Variants in SKAP1 observed in about 807,000 individuals in gnomAD.
SKAP1 encodes src kinase associated phosphoprotein 1.
SKAP1 carries 44 observed loss-of-function variants against 58.5 expected under a neutral mutation model. That is an observed-to-expected ratio of 0.75 (90% confidence interval 0.59 to 0.97). SKAP1 has a LOEUF of 0.97. SKAP1 is among the 50% of genes least tolerant of loss of function. SKAP1 has a pLI of 0.00. For missense variants in SKAP1, 390 were observed against 435.2 expected, an observed-to-expected ratio of 0.90 and a Z score of 0.92; for synonymous variants, 127 against 149.7, an observed-to-expected ratio of 0.85 and a Z score of 1.11.
At chr17:48,297,967 CT>C (rs2066002337) in intron 4 of SKAP1, among the ~76,000 whole-genome samples, 1 of 152,134 alleles carries the variant, frequency 6.6e-6, no homozygotes, top group East Asian at 1.9e-4. Context: ...GCACCTGAAC[CT>C]GTTTCCTGTT....
intron 1 of SKAP1, among the ~76,000 whole-genome samples, chr17:48,407,157 C>T (rs566819602): frequency 1.8e-4 from 28 of 152,102 alleles, no homozygotes; most frequent in Non-Finnish European, 3.4e-4. Flanking sequence ...TAGGAGAAAA[C>T]AGCCTATATA....
chr17:48,357,490 C>A (rs1373488067), intron 3 of SKAP1, among the ~76,000 whole-genome samples: 1 of 151,826 alleles, frequency 6.6e-6, no homozygotes, highest in Non-Finnish European at 1.5e-5. Flanking sequence ...ATTAGCCGGG[C>A]GTGGTGGCGG....
chr17:48,146,444 G>C (rs1333468195), intron 11 of SKAP1, among the ~76,000 whole-genome samples: 3 of 150,274 alleles, frequency 2.0e-5, no homozygotes, highest in Admixed American at 2.0e-4. Flanking sequence ...AGTGAGCCGA[G>C]ATTGCACCAC....
chr17:48,243,138 A>G (rs1380777629), intron 4 of SKAP1, among the ~76,000 whole-genome samples: 55 of 152,184 alleles, frequency 3.6e-4, no homozygotes, highest in Non-Finnish European at 5.9e-5. Context: ...TTAGGTAATC[A>G]GATACAAACA....
chr17:48,430,002 T>G, intron 1 of SKAP1, 73 bp downstream of exon 1: 1 of 1,195,132 alleles, frequency 8.4e-7, no homozygotes, highest in Non-Finnish European at 1.1e-6. Context: ...AAAGAAAGCC[T>G]GGCCGTGGGA....
At chr17:48,405,904 AG>A (rs1240807043) in intron 1 of SKAP1, among the ~76,000 whole-genome samples, 2 of 152,176 alleles carry the variant, frequency 1.3e-5, no homozygotes, top group African/African-American at 4.8e-5. Context: ...GCAGATATAG[AG>A]GATTCAAATA....
At chr17:48,216,729 C>T (rs1267234182) in intron 4 of SKAP1, among the ~76,000 whole-genome samples, 2 of 152,020 alleles carry the variant, frequency 1.3e-5, no homozygotes, top group Admixed American at 6.6e-5. Flanking sequence ...TGAGCTCAAG[C>T]GATTCAACCA....
At chr17:48,135,567 T>A (rs749611512) in intron 12 of SKAP1, among the ~76,000 whole-genome samples, 2 of 152,068 alleles carry the variant, frequency 1.3e-5, no homozygotes, top group Non-Finnish European at 2.9e-5. Context: ...AATCTCAACC[T>A]CCTGGGCTCA....
intron 2 of SKAP1, among the ~76,000 whole-genome samples, chr17:48,380,888 T>C (rs2067205901): frequency 6.6e-6 from 1 of 152,208 alleles, no homozygotes; most frequent in Admixed American, 6.5e-5. Context: ...TTCAGACCAA[T>C]CATATTTCGA....
intron 2 of SKAP1, among the ~76,000 whole-genome samples, chr17:48,381,694 A>G (rs779725776): frequency 6.6e-6 from 1 of 152,156 alleles, no homozygotes; most frequent in Non-Finnish European, 1.5e-5. Context: ...TCTTGGGAAT[A>G]TTTGTTGGCT....
chr17:48,259,700 C>T (rs943199416), intron 4 of SKAP1, among the ~76,000 whole-genome samples: 29 of 152,116 alleles, frequency 1.9e-4, no homozygotes, highest in African/African-American at 5.3e-4. Context: ...GCTGTTGCTA[C>T]GAATGTTAGT....
intron 2 of SKAP1, among the ~76,000 whole-genome samples, chr17:48,372,926 G>A (rs896441020): frequency 1.3e-5 from 2 of 152,168 alleles, no homozygotes; most frequent in Non-Finnish European, 2.9e-5. Context: ...TGGGATTACA[G>A]GCATGAGCCA....
chr17:48,250,271 AGTTTTTTT>A (rs1342163583), intron 4 of SKAP1, among the ~76,000 whole-genome samples: 1 of 94,236 alleles, frequency 1.1e-5, no homozygotes, highest in Non-Finnish European at 2.2e-5. Context: ...TGCCATAGAC[AGTTTTTTT>A]TTTTTTTTTT....
intron 4 of SKAP1, among the ~76,000 whole-genome samples, chr17:48,282,932 T>C (rs1181906333): frequency 6.6e-6 from 1 of 152,152 alleles, no homozygotes; most frequent in East Asian, 1.9e-4. Context: ...TGTAATTCCA[T>C]GTAATTATTT....
chr17:48,169,546 G>A (rs559517569), intron 10 of SKAP1, among the ~76,000 whole-genome samples: 1 of 152,278 alleles, frequency 6.6e-6, no homozygotes, highest in South Asian at 2.1e-4. Context: ...CATCACACCC[G>A]CCTCCACTGC....
chr17:48,420,509 A>G (rs1025412922), intron 1 of SKAP1, among the ~76,000 whole-genome samples: 1 of 152,200 alleles, frequency 6.6e-6, no homozygotes, highest in Non-Finnish European at 1.5e-5. Flanking sequence ...TAAAGAAAGA[A>G]AGTGACAATG....
intron 4 of SKAP1, among the ~76,000 whole-genome samples, chr17:48,209,872 G>C (rs377394102): frequency 4.5e-4 from 69 of 152,252 alleles, no homozygotes; most frequent in African/African-American, 1.6e-3. Flanking sequence ...CTGGAAAAGG[G>C]CCCCTCTTCC....
rs1029127533 is a variant in SKAP1 at position 48,324,823 on chromosome 17, A to G, written c.280+21082T>C. 7.2e-5 allele frequency among the ~76,000 whole-genome samples: 11 copies of G among 151,994 alleles called. 1 individual carries two copies. The highest frequency in any genetic ancestry group is 2.9e-5 in the Non-Finnish European group (2 of 67,972). On this transcript the variant is annotated intron_variant, in intron 4 of 12. Transcript: ENST00000336915. ...TTTTGTTACATTTTGCCCAATTTCGACTATACCAAACTATTTACCCACCTG... is the reference window on the plus strand; with the variant it reads ...TTTTGTTACATTTTGCCCAATTTCGGCTATACCAAACTATTTACCCACCTG...
At chr17:48,378,648 C>T (rs549113952) in intron 2 of SKAP1, among the ~76,000 whole-genome samples, 185 of 152,180 alleles carry the variant, frequency 1.2e-3, no homozygotes, top group Non-Finnish European at 1.9e-3. Flanking sequence ...CTTCTCCTAG[C>T]GGACCCTCCA....
Sources: allele counts gnomAD v4.1 joint callset (sites outside exome capture counted in the v4.1 genomes callset), GRCh38; gene constraint gnomAD v4.1.1; transcripts MANE v1.5; gene names NCBI Gene and HGNC (gene_info 2026-07-23, HGNC 2026-07-21).